Variants in NUDT6 observed in about 807,000 individuals in gnomAD.
NUDT6 encodes the protein FAD diphosphatase NUDT6.
A neutral mutation model predicts 36.8 loss-of-function variants in NUDT6; 24 were observed. The observed-to-expected ratio is 0.65, with a 90% CI of 0.47 to 0.92. The LOEUF is 0.92. Among genes scored for constraint, NUDT6 ranks in the 40% least tolerant of loss-of-function variants. The probability of loss-of-function intolerance (pLI) is 0.00; values close to 1 mark genes in which losing one functional copy is unlikely to be tolerated. For synonymous variants in NUDT6, 163 were observed against 157.0 expected (o/e 1.04, Z -0.29); for missense variants, 388 against 392.8 (o/e 0.99, Z 0.10).
chr4:122,895,715 T>C (rs2150797162), intron 4 of NUDT6: 1 of 152,286 alleles, frequency 6.6e-6, no homozygotes, highest in South Asian at 2.1e-4. Flanking sequence ...CTCTTGATAT[T>C]TAAAAAACAC....
At chr4:122,905,332 T>G (rs1165606911) in intron 3 of NUDT6, among the ~76,000 whole-genome samples, 1 of 152,204 alleles carries the variant, frequency 6.6e-6, no homozygotes, top group Non-Finnish European at 1.5e-5. Flanking sequence ...CTTAATGTCT[T>G]ACATTAAGTT....
upstream of NUDT6, chr4:122,922,631 A>G: frequency 7.0e-7 from 1 of 1,420,426 alleles, no homozygotes; most frequent in Non-Finnish European, 9.6e-7. Context: ...CAGAGCGGAG[A>G]TCGCGGCCGT....
upstream of NUDT6, chr4:122,922,874 T>A: frequency 1.8e-6 from 1 of 564,868 alleles, no homozygotes; most frequent in South Asian, 2.4e-5. Flanking sequence ...TGCAAAAACG[T>A]CCTGTTTTTC....
At chr4:122,900,228 TA>T (rs1005902294) in intron 3 of NUDT6, among the ~76,000 whole-genome samples, 3 of 152,032 alleles carry the variant, frequency 2.0e-5, no homozygotes. Context: ...GAAGCTTTTG[TA>T]AACCTTCCAG....
intron 3 of NUDT6, among the ~76,000 whole-genome samples, chr4:122,911,621 A>G (rs11098675): frequency 0.73 from 111,733 of 152,106 alleles, 41,891 homozygotes; most frequent in East Asian, 0.95. Context: ...TCCAAGAAAT[A>G]TGTGACACTG....
chr4:122,893,101 G>A lies in NUDT6; in HGVS notation c.678C>T (p.Ile226=). ...TGAATGAATATGGCTTTAGGCGGCA[G>A]ATGATATACATATCTGACTTCCCAA... ...GAFGKSDMYI[I]CRLKPYSFTI... Residue 226 remains isoleucine (I), a synonymous_variant, in exon 5 of 5, where the codon ATC becomes ATT. Transcript: ENST00000304430. The A allele has an allele frequency of 1.2e-6, 2 of 1,614,160 alleles. No individual in the cohort carries two copies. Among genetic ancestry groups the A allele is most frequent in the South Asian group, 1.1e-5 (1 of 91,084 alleles).
chr4:122,903,004 A>G (rs1727554311), intron 3 of NUDT6, among the ~76,000 whole-genome samples: 1 of 152,164 alleles, frequency 6.6e-6, no homozygotes, highest in Non-Finnish European at 1.5e-5. Flanking sequence ...AGTATATATA[A>G]TCTACATCTA....
chr4:122,895,897 A>G (rs1251081492), intron 4 of NUDT6: 1 of 152,338 alleles, frequency 6.6e-6, no homozygotes, highest in East Asian at 1.9e-4. Context: ...CAGAGTTTAA[A>G]TAATTTCAGT....
intron 1 of NUDT6, chr4:122,921,703 A>C (rs1728017529): frequency 6.6e-6 from 1 of 151,858 alleles, no homozygotes; most frequent in Admixed American, 6.6e-5. Flanking sequence ...ACCCTGATGT[A>C]ATTATTACAC....
chr4:122,911,387 G>A (rs1727730245), intron 3 of NUDT6, among the ~76,000 whole-genome samples: 1 of 152,058 alleles, frequency 6.6e-6, no homozygotes, highest in South Asian at 2.1e-4. Context: ...TCATGACTAG[G>A]CCCTACTTTT....
intron 2 of NUDT6, among the ~76,000 whole-genome samples, chr4:122,913,726 C>G (rs556974766): frequency 6.6e-6 from 1 of 151,074 alleles, no homozygotes; most frequent in East Asian, 1.9e-4. Context: ...AGTTCTAGTT[C>G]ATTTTTTTTT....
chr4:122,908,206 C>G (rs1727663220), intron 3 of NUDT6, among the ~76,000 whole-genome samples: 1 of 152,046 alleles, frequency 6.6e-6, no homozygotes, highest in Admixed American at 6.5e-5. Context: ...CACAACTGAC[C>G]ATTATTATGT....
intron 3 of NUDT6, among the ~76,000 whole-genome samples, chr4:122,908,357 C>A (rs1205513084): frequency 6.6e-6 from 1 of 152,176 alleles, no homozygotes; most frequent in Non-Finnish European, 1.5e-5. Flanking sequence ...TGACAGACTT[C>A]TTTATTTTAA....
At chr4:122,905,355 A>G (rs1727598749) in intron 3 of NUDT6, among the ~76,000 whole-genome samples, 1 of 152,180 alleles carries the variant, frequency 6.6e-6, no homozygotes, top group Non-Finnish European at 1.5e-5. Context: ...TTTTCTCAGT[A>G]GTTTTGTCAC....
chr4:122,908,165 GCATTATACCC>G (rs933983494), intron 3 of NUDT6, among the ~76,000 whole-genome samples: 17 of 152,084 alleles, frequency 1.1e-4, no homozygotes, highest in South Asian at 1.0e-3. Flanking sequence ...TGGACACACC[GCATTATACCC>G]CTTCCTTTTT....
At chr4:122,897,378 A>G in intron 4 of NUDT6, 1 of 475,794 alleles carries the variant, frequency 2.1e-6, no homozygotes, top group South Asian at 2.7e-5. Context: ...ATTAATCCAG[A>G]AGCAGTCATA....
At chr4:122,915,469 CAAAAAAAAA>C (rs61032259) in intron 2 of NUDT6, among the ~76,000 whole-genome samples, 1,577 of 42,056 alleles carry the variant, frequency 0.037, 35 homozygotes, top group African/African-American at 0.093. Flanking sequence ...GACCCTGCCT[CAAAAAAAAA>C]AAAAAAAAAA....
chr4:122,896,454 CT>C (rs1384235598), intron 4 of NUDT6: 3 of 152,174 alleles, frequency 2.0e-5, no homozygotes, highest in Non-Finnish European at 4.4e-5. Context: ...TTGGGTAAGG[CT>C]GCAAAACATA....
Position 122,922,497 on chromosome 4 carries a change from A to T in NUDT6, c.76T>A (p.Tyr26Asn). ...CCCTGTGCGCCCGAGGCCCAGCGGT[A>T]ACCCGCCGAAGGCCCGGGGCCGTAG... ...RTYGPGPSAG[Y>N]RWASGAQGYV... is the part of the protein sequence containing the mutation. The change falls in exon 1 of 5, where the codon TAC (tyrosine) becomes AAC (asparagine). Residue 26 changes from tyrosine to asparagine, a missense_variant. Transcript: ENST00000304430. 6.2e-7 allele frequency: 1 copy of T among 1,610,620 alleles called. No individual in the cohort carries two copies. The highest frequency in any genetic ancestry group is 8.5e-7 in the Non-Finnish European group (1 of 1,179,728).
Sources: gnomAD v4.1 joint callset for allele counts (sites outside exome capture counted in the v4.1 genomes callset) on GRCh38, gnomAD v4.1.1 for gene constraint, MANE v1.5 for transcripts, NCBI Gene and HGNC (gene_info 2026-07-23, HGNC 2026-07-21) for gene names.